LARGE1: variants seen among roughly 807,000 people sequenced by gnomAD.
LARGE1 encodes xylosyl- and glucuronyltransferase LARGE1.
Under a neutral mutation model 87.6 loss-of-function variants are expected in LARGE1, and 43 were observed. The observed-to-expected ratio is 0.49, with a 90% CI of 0.38 to 0.63. The LOEUF is 0.63. Ranked by LOEUF, LARGE1 falls within the 30% of genes least tolerant of loss-of-function variation. The pLI is 0.00. For missense variants in LARGE1, 802 were observed against 1,000.2 expected, an observed-to-expected ratio of 0.80 and a Z score of 2.67; for synonymous variants, 434 against 394.6, an observed-to-expected ratio of 1.10 and a Z score of -1.18.
intron 11 of LARGE1, among the ~76,000 whole-genome samples, chr22:33,217,238 CAAAA>C (rs137458): frequency 7.6e-6 from 1 of 131,312 alleles, no homozygotes; most frequent in African/African-American, 2.8e-5. Context: ...TATCTAACAG[CAAAA>C]AAAAAAAAAA....
At chr22:33,294,324 C>T (rs1932947971) in intron 12 of LARGE1, among the ~76,000 whole-genome samples, 1 of 152,214 alleles carries the variant, frequency 6.6e-6, no homozygotes. Flanking sequence ...CTCTCGGAGC[C>T]CTGGGTTTCC....
At chr22:33,808,416 G>A (rs1272939039) in intron 1 of LARGE1, among the ~76,000 whole-genome samples, 1 of 152,206 alleles carries the variant, frequency 6.6e-6, no homozygotes, top group Non-Finnish European at 1.5e-5. Flanking sequence ...CCTTGCCAGA[G>A]TGCTGAGACT....
chr22:33,738,831 C>T (rs757190498), intron 2 of LARGE1, among the ~76,000 whole-genome samples: 7 of 142,512 alleles, frequency 4.9e-5, no homozygotes, highest in South Asian at 2.2e-4. Context: ...GGTGACAGAG[C>T]GAGACTCCGT....
At chr22:33,187,921 CAAAAAAAAAAAAAAAAAA>C (rs578115819) in intron 11 of LARGE1, among the ~76,000 whole-genome samples, 663 of 36,892 alleles carry the variant, frequency 0.018, 28 homozygotes, top group African/African-American at 0.04. Flanking sequence ...GACTCCGTCT[CAAAAAAAAAAAAAAAAAA>C]AAAAAAAAAA....
intron 2 of LARGE1, among the ~76,000 whole-genome samples, chr22:33,748,392 T>C (rs1451511538): frequency 6.6e-6 from 1 of 152,050 alleles, no homozygotes; most frequent in Non-Finnish European, 1.5e-5. Context: ...CACTTCCACC[T>C]CCCATCCCGT....
At chr22:33,833,671 CATTTTTATTTATTT>C (rs2063034908) in intron 1 of LARGE1, among the ~76,000 whole-genome samples, 1 of 152,110 alleles carries the variant, frequency 6.6e-6, no homozygotes, top group Non-Finnish European at 1.5e-5. Flanking sequence ...CAATTATTGT[CATTTTTATTTATTT>C]ATTTTTATTT....
At chr22:33,321,729 T>C (rs1019069437) in intron 10 of LARGE1, among the ~76,000 whole-genome samples, 2 of 152,158 alleles carry the variant, frequency 1.3e-5, no homozygotes, top group African/African-American at 4.8e-5. Flanking sequence ...TTCAGACAAG[T>C]AGCTGGTCCT....
intron 6 of LARGE1, among the ~76,000 whole-genome samples, chr22:33,503,044 T>C (rs913498713): frequency 6.6e-6 from 1 of 152,200 alleles, no homozygotes; most frequent in Non-Finnish European, 1.5e-5. Flanking sequence ...GAATCAGGTA[T>C]GCTTCAGAAA....
intron 11 of LARGE1, among the ~76,000 whole-genome samples, chr22:33,265,740 G>A (rs148923841): frequency 7.1e-4 from 108 of 152,328 alleles, no homozygotes; most frequent in African/African-American, 2.0e-3. Context: ...TTGTTTACAG[G>A]AGGGTTTCTG....
intron 11 of LARGE1, among the ~76,000 whole-genome samples, chr22:33,243,473 A>T (rs1489130575): frequency 6.6e-6 from 1 of 152,228 alleles, no homozygotes; most frequent in Non-Finnish European, 1.5e-5. Flanking sequence ...ATTCTAGAAC[A>T]TCAAATATTC....
At chr22:33,795,101 TA>T (rs1414885964) in intron 1 of LARGE1, among the ~76,000 whole-genome samples, 1 of 152,212 alleles carries the variant, frequency 6.6e-6, no homozygotes, top group East Asian at 1.9e-4. Flanking sequence ...AACTAGTCTT[TA>T]AAGAGGTTTG....
chr22:33,400,873 G>A (rs1251261866), intron 7 of LARGE1, among the ~76,000 whole-genome samples: 2 of 152,200 alleles, frequency 1.3e-5, no homozygotes, highest in Non-Finnish European at 2.9e-5. Context: ...CCTCATTTAT[G>A]AGGTGAGAAG....
At chr22:33,464,339 C>T (rs1349884988) in intron 6 of LARGE1, among the ~76,000 whole-genome samples, 2 of 151,890 alleles carry the variant, frequency 1.3e-5, no homozygotes, top group African/African-American at 2.4e-5. Flanking sequence ...TTTCATAAGT[C>T]GAATCCAAAA....
chr22:33,159,651 C>G (rs1921961311), downstream of LARGE1, among the ~76,000 whole-genome samples: 1 of 150,110 alleles, frequency 6.7e-6, no homozygotes, highest in Middle Eastern at 3.5e-3. Context: ...GCGGCACAAT[C>G]TCGGCTCACT....
intron 1 of LARGE1, among the ~76,000 whole-genome samples, chr22:33,822,338 C>T (rs1368532087): frequency 6.6e-6 from 1 of 152,160 alleles, no homozygotes; most frequent in Admixed American, 6.5e-5. Flanking sequence ...CTGAAGTTCC[C>T]CTTTCAAATG....
intron 11 of LARGE1, among the ~76,000 whole-genome samples, chr22:33,309,173 T>C (rs1935280302): frequency 1.3e-5 from 2 of 151,284 alleles, no homozygotes; most frequent in South Asian, 4.2e-4. Flanking sequence ...TTCGTGCCTT[T>C]TTTTTTTTTT....
At chr22:33,665,496 G>A (rs2081242881) in intron 2 of LARGE1, among the ~76,000 whole-genome samples, 1 of 152,170 alleles carries the variant, frequency 6.6e-6, no homozygotes, top group Non-Finnish European at 1.5e-5. Flanking sequence ...ATCAAGATTA[G>A]GGCTCCCTTA....
intron 10 of LARGE1, among the ~76,000 whole-genome samples, chr22:33,335,346 G>A (rs1318906938): frequency 5.3e-5 from 8 of 152,262 alleles, no homozygotes; most frequent in East Asian, 1.9e-4. Context: ...GGCAGATGCT[G>A]AGAAGGCCTC....
intron 6 of LARGE1, among the ~76,000 whole-genome samples, chr22:33,447,138 C>T (rs2067715107): frequency 6.6e-6 from 1 of 152,204 alleles, no homozygotes; most frequent in African/African-American, 2.4e-5. Context: ...AGGTGATCCA[C>T]CCGTCTTGGC....
Sources: allele counts gnomAD v4.1 joint callset (sites outside exome capture counted in the v4.1 genomes callset), GRCh38; gene constraint gnomAD v4.1.1; transcripts MANE v1.5; gene names NCBI Gene and HGNC (gene_info 2026-07-23, HGNC 2026-07-21).